Variants in RFX7 observed in about 807,000 individuals in gnomAD.
The protein encoded by RFX7 is DNA-binding protein RFX7.
In RFX7, 26 loss-of-function variants were observed where a neutral mutation model predicts 111.8. That is an observed-to-expected ratio of 0.23 (90% CI 0.17 to 0.32). RFX7 has a LOEUF of 0.32. Among genes scored for constraint, RFX7 ranks in the 10% least tolerant of loss-of-function variants. The pLI is 1.00. For synonymous variants in RFX7, 624 were observed against 624.4 expected, an observed-to-expected ratio of 1.00 and a Z score of 0.01; for missense variants, 1,573 against 1,772.9, an observed-to-expected ratio of 0.89 and a Z score of 2.02.
chr15:56,124,984 T>G (rs1179084421), intron 5 of RFX7, among the ~76,000 whole-genome samples: 3 of 152,214 alleles, frequency 2.0e-5, no homozygotes, highest in African/African-American at 7.2e-5. Flanking sequence ...TTTTGTAGTT[T>G]TGGTCTTACA....
chr15:56,105,532 G>A (rs1294990318), intron 5 of RFX7, among the ~76,000 whole-genome samples: 3 of 152,198 alleles, frequency 2.0e-5, no homozygotes, highest in African/African-American at 7.2e-5. Context: ...AGCACTGGCA[G>A]AAATGGGTCT....
At chr15:56,243,326 C>A (rs2043734876) in intron 1 of RFX7, 39 bp from the exon 2 acceptor site, 2 of 817,212 alleles carry the variant, frequency 2.4e-6, no homozygotes, top group Non-Finnish European at 2.9e-6. Context: ...AAGATGGGGG[C>A]GCGGGGAAGG....
At chr15:56,118,335 C>T (rs1341438006) in intron 5 of RFX7, among the ~76,000 whole-genome samples, 1 of 152,112 alleles carries the variant, frequency 6.6e-6, no homozygotes, top group Non-Finnish European at 1.5e-5. Flanking sequence ...CACTTCACTA[C>T]TGTGCCCCCA....
chr15:56,148,124 A>G (rs1251467659), intron 3 of RFX7, among the ~76,000 whole-genome samples: 1 of 152,228 alleles, frequency 6.6e-6, no homozygotes, highest in Non-Finnish European at 1.5e-5. Flanking sequence ...CTGAAAACTT[A>G]AAAGACCTCT....
chr15:56,192,583 C>T (rs1406372050), intron 2 of RFX7: 3 of 163,738 alleles, frequency 1.8e-5, no homozygotes, highest in Admixed American at 6.2e-5. Flanking sequence ...GATACATCAC[C>T]TCATTCATGC....
intron 5 of RFX7, among the ~76,000 whole-genome samples, chr15:56,113,840 T>G (rs1399596893): frequency 6.6e-6 from 1 of 152,128 alleles, no homozygotes; most frequent in African/African-American, 2.4e-5. Context: ...TATTCAAATA[T>G]TATAAATGAC....
chr15:56,157,605 G>T (rs546351867), intron 3 of RFX7, among the ~76,000 whole-genome samples: 1 of 152,236 alleles, frequency 6.6e-6, no homozygotes, highest in Non-Finnish European at 1.5e-5. Context: ...TTTTGAGACG[G>T]AGTCTTGCTC....
At chr15:56,156,891 G>T (rs2042659695) in intron 3 of RFX7, among the ~76,000 whole-genome samples, 1 of 152,150 alleles carries the variant, frequency 6.6e-6, no homozygotes, top group Non-Finnish European at 1.5e-5. Flanking sequence ...CACTTAGTGA[G>T]CTTGTTAAAA....
In RFX7 at chr15:56,093,021, A is replaced by G. The variant is rs781336010; in HGVS notation, c.*324T>C. On this transcript the variant is annotated 3_prime_UTR_variant, in exon 10 of 10. Coordinates refer to ENST00000559447, the MANE Select transcript of RFX7 (RefSeq NM_022841.7). ...TGATGGTTTATTCTGAGTTCTGTGC[A>G]GATCATCTGATGAAATGAAACTAAC... 2.1e-4 allele frequency: 51 copies of G among 242,264 alleles called. 1 individual carries two copies. The highest frequency in any genetic ancestry group is 1.4e-3 in the Middle Eastern group (1 of 712). The allele number at this position is 242,264 out of a possible 1,614,324, so 15.0% of individuals were successfully genotyped here.
At chr15:56,129,323 C>T (rs1157329429) in intron 5 of RFX7, among the ~76,000 whole-genome samples, 2 of 150,020 alleles carry the variant, frequency 1.3e-5, no homozygotes, top group African/African-American at 4.9e-5. Context: ...TGTAGTGAGC[C>T]GAGATTGCAA....
In RFX7 at chr15:56,094,862, G is replaced by T; in HGVS notation, c.2866C>A (p.Pro956Thr). The change falls in exon 10 of 10, where the codon CCT (proline) becomes ACT (threonine). Residue 956 changes from proline to threonine, a missense_variant. Coordinates refer to ENST00000559447, the MANE Select transcript of RFX7 (RefSeq NM_022841.7). Reference sequence around the variant, plus strand: ...GGGGTTGGGGTTGGGGTTGGAGTAGGAGTGGGTGTGGGTGTGGGTGTGGGT... The same window carrying T: ...GGGGTTGGGGTTGGGGTTGGAGTAGTAGTGGGTGTGGGTGTGGGTGTGGGT... ...HTPTPTPTPT[P>T]TPTPTPTPTS... 6.4e-7 allele frequency: 1 copy of T among 1,555,374 alleles called. No individual in the cohort carries two copies. Among genetic ancestry groups the T allele is most frequent in the South Asian group, 1.2e-5 (1 of 82,024 alleles).
In RFX7 at chr15:56,090,509, C is replaced by T. The variant is rs1044873238; in HGVS notation, c.*2836G>A. The T allele has an allele frequency of 6.6e-6, 1 of 152,526 alleles. No homozygotes were observed. Among genetic ancestry groups the T allele is most frequent in the Non-Finnish European group, 1.5e-5 (1 of 68,006 alleles). The allele number at this position is 152,526 out of a possible 1,614,324, so 9.4% of individuals were successfully genotyped here. On this transcript the variant is annotated 3_prime_UTR_variant, in exon 10 of 10. Transcript: ENST00000559447. Reference sequence around the variant, plus strand: ...AATGTGTTGCCTATATAAAATATGTCCCATAAAACACCTTCAGATCCAGTC... The same window carrying T: ...AATGTGTTGCCTATATAAAATATGTTCCATAAAACACCTTCAGATCCAGTC...
chr15:56,167,100 T>C (rs1317341120), intron 3 of RFX7, among the ~76,000 whole-genome samples: 7 of 151,966 alleles, frequency 4.6e-5, no homozygotes, highest in Admixed American at 4.6e-4. Flanking sequence ...CAGGAGTTGA[T>C]TCAAGACCAG....
intron 3 of RFX7, among the ~76,000 whole-genome samples, chr15:56,174,062 G>A (rs1439405536): frequency 6.6e-6 from 1 of 152,068 alleles, no homozygotes; most frequent in East Asian, 1.9e-4. Flanking sequence ...TGCATCACCT[G>A]AGGTCACGAG....
intron 8 of RFX7, among the ~76,000 whole-genome samples, chr15:56,100,587 C>G (rs1208865379): frequency 6.6e-6 from 1 of 152,180 alleles, no homozygotes; most frequent in African/African-American, 2.4e-5. Context: ...CTTAGAAGGA[C>G]AGTCCTTGGA....
At chr15:56,241,570 T>A (rs1466371096) in intron 2 of RFX7, among the ~76,000 whole-genome samples, 1 of 152,168 alleles carries the variant, frequency 6.6e-6, no homozygotes, top group Non-Finnish European at 1.5e-5. Flanking sequence ...CAAAGTTACG[T>A]CACGTTACTA....
At chr15:56,187,525 C>T (rs1482343577) in intron 2 of RFX7, among the ~76,000 whole-genome samples, 1 of 151,754 alleles carries the variant, frequency 6.6e-6, no homozygotes, top group Non-Finnish European at 1.5e-5. Context: ...CTTATCAGCC[C>T]ATGTGGCAAT....
At chr15:56,213,234 T>A (rs1312789624) in intron 2 of RFX7, among the ~76,000 whole-genome samples, 1 of 152,204 alleles carries the variant, frequency 6.6e-6, no homozygotes, top group Non-Finnish European at 1.5e-5. Context: ...TAAAAACCTG[T>A]ACATAAATGT....
At chr15:56,160,854 C>A (rs2042711821) in intron 3 of RFX7, 1 of 151,974 alleles carries the variant, frequency 6.6e-6, no homozygotes, top group Non-Finnish European at 1.5e-5. Context: ...TTTCAGTTTC[C>A]TAACTTGTTA....
Sources: gnomAD v4.1 joint callset for allele counts (sites outside exome capture counted in the v4.1 genomes callset) on GRCh38, gnomAD v4.1.1 for gene constraint, MANE v1.5 for transcripts, NCBI Gene and HGNC (gene_info 2026-07-23, HGNC 2026-07-21) for gene names.